AGBL4: variants seen among roughly 807,000 people sequenced by gnomAD.
AGBL4 encodes the protein AGBL carboxypeptidase 4.
In AGBL4, 58 loss-of-function variants were observed where a neutral mutation model predicts 66.4. That is an observed-to-expected ratio of 0.87 (90% CI 0.71 to 1.09). AGBL4 has a LOEUF of 1.09. Among genes scored for constraint, AGBL4 ranks in the 50% least tolerant of loss-of-function variants. The probability of loss-of-function intolerance (pLI) is 0.00; values close to 1 mark genes in which losing one functional copy is unlikely to be tolerated. For synonymous variants in AGBL4, 234 were observed against 222.9 expected (o/e 1.05, Z -0.44); for missense variants, 579 against 631.0 (o/e 0.92, Z 0.88).
chr1:49,019,685 T>C (rs572682225), intron 5 of AGBL4, among the ~76,000 whole-genome samples: 4 of 152,354 alleles, frequency 2.6e-5, no homozygotes, highest in South Asian at 4.1e-4. Context: ...TTTAGAAATG[T>C]AACATGCTGT....
chr1:49,587,124 T>C (rs1242626096), intron 3 of AGBL4, among the ~76,000 whole-genome samples: 1 of 152,100 alleles, frequency 6.6e-6, no homozygotes, highest in Non-Finnish European at 1.5e-5. Context: ...CATATGCCTG[T>C]AGTCCCAGCT....
chr1:49,320,958 AG>A (rs932714536), intron 3 of AGBL4, among the ~76,000 whole-genome samples: 1 of 152,160 alleles, frequency 6.6e-6, no homozygotes, highest in Non-Finnish European at 1.5e-5. Flanking sequence ...CATCAGATCT[AG>A]TGAAAACTCA....
chr1:48,630,277 A>C (rs1645572612), intron 9 of AGBL4, among the ~76,000 whole-genome samples: 1 of 152,228 alleles, frequency 6.6e-6, no homozygotes, highest in Non-Finnish European at 1.5e-5. Context: ...TGTCATCACT[A>C]ATACAAGGAC....
chr1:48,912,559 T>C (rs1653229340), intron 5 of AGBL4, among the ~76,000 whole-genome samples: 3 of 152,268 alleles, frequency 2.0e-5, no homozygotes, highest in East Asian at 1.9e-4. Flanking sequence ...CTGGACTGTA[T>C]GTAAGGTGGA....
At chr1:49,641,592 G>T (rs926861593) in intron 3 of AGBL4, among the ~76,000 whole-genome samples, 1 of 152,026 alleles carries the variant, frequency 6.6e-6, no homozygotes, top group East Asian at 1.9e-4. Context: ...TGGTTATATG[G>T]TCAGACGAGT....
chr1:49,489,103 C>T (rs536279572), intron 3 of AGBL4, among the ~76,000 whole-genome samples: 8 of 151,872 alleles, frequency 5.3e-5, no homozygotes, highest in African/African-American at 1.7e-4. Flanking sequence ...TTTTGAGGAA[C>T]TTCTAAGCTG....
intron 2 of AGBL4, among the ~76,000 whole-genome samples, chr1:49,839,716 A>G (rs1256066175): frequency 6.6e-6 from 1 of 152,220 alleles, no homozygotes; most frequent in East Asian, 1.9e-4. Flanking sequence ...AGGACCTTAT[A>G]TAGGATAGAA....
chr1:48,717,717 G>C (rs1034120018), intron 6 of AGBL4, among the ~76,000 whole-genome samples: 2 of 152,188 alleles, frequency 1.3e-5, no homozygotes, highest in South Asian at 4.1e-4. Flanking sequence ...CTGGCACCTA[G>C]CTGGCTCTCA....
At chr1:49,209,760 T>A (rs972834034) in intron 4 of AGBL4, among the ~76,000 whole-genome samples, 2 of 152,060 alleles carry the variant, frequency 1.3e-5, no homozygotes, top group Non-Finnish European at 2.9e-5. Flanking sequence ...AAACTTTACA[T>A]AGGTTTTCAG....
chr1:49,763,002 A>T (rs1182142021), intron 2 of AGBL4, among the ~76,000 whole-genome samples: 1 of 152,114 alleles, frequency 6.6e-6, no homozygotes. Flanking sequence ...TAGTACTTTC[A>T]TATTATAGTT....
At chr1:49,401,810 G>A (rs1645092200) in intron 3 of AGBL4, among the ~76,000 whole-genome samples, 1 of 152,020 alleles carries the variant, frequency 6.6e-6, no homozygotes, top group Admixed American at 6.6e-5. Flanking sequence ...ATCAGGTCAT[G>A]GGCTTTTCTT....
intron 1 of AGBL4, among the ~76,000 whole-genome samples, chr1:50,011,685 G>T (rs114473879): frequency 0.012 from 1,863 of 152,298 alleles, 28 homozygotes; most frequent in Non-Finnish European, 0.015. Context: ...TACACACAAT[G>T]GAGTCCTATT....
At chr1:49,885,660 G>C (rs1478119777) in intron 1 of AGBL4, among the ~76,000 whole-genome samples, 1 of 151,994 alleles carries the variant, frequency 6.6e-6, no homozygotes, top group East Asian at 1.9e-4. Context: ...CACCCACCCT[G>C]TCTTGTGCCC....
intron 1 of AGBL4, among the ~76,000 whole-genome samples, chr1:49,890,362 A>G (rs1346349081): frequency 6.6e-6 from 1 of 152,218 alleles, no homozygotes; most frequent in Non-Finnish European, 1.5e-5. Flanking sequence ...ACAACAGCAG[A>G]TAAGAAAGAC....
At chr1:48,656,027 T>G (rs1246232861) in intron 7 of AGBL4, among the ~76,000 whole-genome samples, 3 of 152,210 alleles carry the variant, frequency 2.0e-5, no homozygotes, top group Admixed American at 2.0e-4. Context: ...TCAACCTCCT[T>G]GAGATCAGCC....
chr1:48,626,340 G>A (rs1233542740), intron 9 of AGBL4, among the ~76,000 whole-genome samples: 1 of 152,250 alleles, frequency 6.6e-6, no homozygotes, highest in Non-Finnish European at 1.5e-5. Flanking sequence ...TACAACTGGT[G>A]AGGTAGGCAG....
chr1:49,992,220 A>C (rs548053562), intron 1 of AGBL4, among the ~76,000 whole-genome samples: 1 of 152,122 alleles, frequency 6.6e-6, no homozygotes, highest in Admixed American at 6.5e-5. Flanking sequence ...AAACACAAAA[A>C]AATTAGCCGG....
At chr1:49,485,150 A>G (rs959742782) in intron 3 of AGBL4, among the ~76,000 whole-genome samples, 3 of 151,952 alleles carry the variant, frequency 2.0e-5, no homozygotes, top group Non-Finnish European at 2.9e-5. Flanking sequence ...ATAAAGACAC[A>G]TGCACACGTA....
intron 1 of AGBL4, among the ~76,000 whole-genome samples, chr1:49,991,133 A>C (rs996971617): frequency 1.3e-5 from 2 of 152,198 alleles, no homozygotes; most frequent in Non-Finnish European, 2.9e-5. Context: ...TAAACTATGT[A>C]GCTCCAGACT....
Sources: allele counts gnomAD v4.1 joint callset (sites outside exome capture counted in the v4.1 genomes callset), GRCh38; gene constraint gnomAD v4.1.1; transcripts MANE v1.5; gene names NCBI Gene and HGNC (gene_info 2026-07-23, HGNC 2026-07-21).